The following TCOF1 variants were observed in gnomAD, a reference collection of about 807,000 sequenced individuals.
TCOF1 encodes the protein treacle ribosome biogenesis factor 1.
Under a neutral mutation model 149.0 loss-of-function variants are expected in TCOF1, and 33 were observed. The observed-to-expected ratio is 0.22, with a 90% CI of 0.17 to 0.30. The LOEUF is 0.30. TCOF1 is among the 10% of genes least tolerant of loss of function. The pLI is 1.00. For synonymous variants in TCOF1, 789 were observed against 738.8 expected, an observed-to-expected ratio of 1.07 and a Z score of -1.10; for missense variants, 1,728 against 1,840.7, an observed-to-expected ratio of 0.94 and a Z score of 1.12.
chr5:150,377,788 G>A (rs1764161839), intron 14 of TCOF1, among the ~76,000 whole-genome samples: 3 of 152,122 alleles, frequency 2.0e-5, no homozygotes, highest in South Asian at 4.2e-4. Flanking sequence ...CTTCCCTTCT[G>A]AGCCTCCCAC....
chr5:150,381,315 T>C (rs1765119193), intron 17 of TCOF1, among the ~76,000 whole-genome samples: 1 of 152,140 alleles, frequency 6.6e-6, no homozygotes, highest in Non-Finnish European at 1.5e-5. Flanking sequence ...AACCAACAAT[T>C]ACTGGGGGTG....
intron 7 of TCOF1, among the ~76,000 whole-genome samples, chr5:150,372,690 G>A (rs1762811778): frequency 6.6e-6 from 1 of 151,184 alleles, no homozygotes; most frequent in Non-Finnish European, 1.5e-5. Flanking sequence ...GCAGGAAGGA[G>A]GAAGAGTGAG....
chr5:150,360,338 G>T (rs1759761192), intron 1 of TCOF1, among the ~76,000 whole-genome samples: 1 of 152,194 alleles, frequency 6.6e-6, no homozygotes, highest in Admixed American at 6.5e-5. Context: ...CAAAGGCCTG[G>T]ATTCCACCTG....
intron 17 of TCOF1, 102 bp from the exon 18 acceptor site, chr5:150,387,800 C>T (rs1256560996): frequency 1.3e-6 from 2 of 1,528,088 alleles, no homozygotes; most frequent in East Asian, 2.3e-5. Context: ...CCCCTGAGCT[C>T]AGTGGACCCT....
intron 7 of TCOF1, among the ~76,000 whole-genome samples, chr5:150,373,773 AG>A (rs1763069217): frequency 6.6e-6 from 1 of 152,138 alleles, no homozygotes; most frequent in African/African-American, 2.4e-5. Flanking sequence ...CCCACAGCCC[AG>A]TCTGATGATG....
intron 4 of TCOF1, 147 bp from the exon 5 acceptor site, chr5:150,368,569 C>T: frequency 1.1e-6 from 1 of 885,814 alleles, no homozygotes; most frequent in Non-Finnish European, 1.8e-6. Flanking sequence ...TTTAACCTCA[C>T]TTTAAAGATT....
rs112039991 is a variant in TCOF1 at position 150,374,653 on chromosome 5, G to T, written c.1120G>T (p.Ala374Ser). Residue 374 changes from alanine to serine, a missense_variant, in exon 9 of 27, where the codon GCC becomes TCC. Ala to Ser is a moderately conservative substitution (Grantham distance 99). Coordinates refer to ENST00000643257, the MANE Select transcript of TCOF1 (RefSeq NM_001371623.1). ...AGGAAAAACCTCTCAGGTCGGAGCTGCCTCAGCCCCTGCCAAGGAGTCCCC... is the reference window on the plus strand; with the variant it reads ...AGGAAAAACCTCTCAGGTCGGAGCTTCCTCAGCCCCTGCCAAGGAGTCCCC... ...ASGKTSQVGA[A>S]SAPAKESPRK... 5.2e-4 allele frequency: 840 copies of T among 1,613,768 alleles called. 8 individuals carry two copies. The highest frequency in any genetic ancestry group is 5.0e-3 in the South Asian group (457 of 91,066).
intron 17 of TCOF1, 67 bp from the exon 18 acceptor site, chr5:150,387,835 C>T: frequency 6.2e-7 from 1 of 1,607,212 alleles, no homozygotes; most frequent in Non-Finnish European, 8.5e-7. Flanking sequence ...ACTCCCTAAC[C>T]CCATCACCTC....
intron 15 of TCOF1, 43 bp downstream of exon 15, chr5:150,379,085 TAGAGA>T (rs1256113870): frequency 1.2e-6 from 2 of 1,612,932 alleles, no homozygotes; most frequent in Non-Finnish European, 1.7e-6. Flanking sequence ...AGGGTTGGGG[TAGAGA>T]GGAGGACCAG....
chr5:150,383,619 T>C lies in TCOF1; in HGVS notation c.2859+3887T>C, dbSNP rs1030068981. 10 of 1,071,556 alleles carry C rather than the reference T, an allele frequency of 9.3e-6. No homozygotes were observed. In the African/African-American group the frequency reaches 1.3e-4, roughly 14 times the overall value. The allele number at this position is 1,071,556 out of a possible 1,614,324, so 66.4% of individuals were successfully genotyped here. A position where few individuals can be genotyped will look rare whatever the true frequency, so the allele number is the denominator to read the frequency against. ...AGGGAGTGTTGCCCCATTTGACAGA[T>C]TGGGAATCAAGCCTTAGAGTTGAAG... On this transcript the variant is annotated intron_variant, in intron 17 of 26. Coordinates refer to ENST00000643257, the MANE Select transcript of TCOF1 (RefSeq NM_001371623.1).
chr5:150,378,783 A>G, intron 14 of TCOF1, 122 bp from the exon 15 acceptor site: 1 of 1,402,820 alleles, frequency 7.1e-7, no homozygotes, highest in Admixed American at 1.7e-5. Flanking sequence ...TCAGGTTCAC[A>G]CGCCTATTGC....
Position 150,392,717 on chromosome 5 carries a change from C to A in TCOF1, c.3530C>A (p.Pro1177His), listed in dbSNP as rs1136103. Residue 1177 changes from proline to histidine, a missense_variant, in exon 22 of 27, where the codon CCC becomes CAC. Pro to His is a moderately conservative substitution (Grantham distance 77). Coordinates refer to ENST00000643257, the MANE Select transcript of TCOF1 (RefSeq NM_001371623.1). The stretch of plus-strand genomic sequence containing the variant: ...TGTGCTTCTCCAGTAGGTCCCACCC[C>A]CTCCAGGACAGAGACCCTGGTGGAG... ...KSAHTLVGPT[P>H]SRTETLVEET... 16 of 1,613,788 alleles carry A rather than the reference C, an allele frequency of 9.9e-6. No homozygotes were observed. The East Asian group carries it at 1.3e-4, about 13-fold the overall frequency.
intron 9 of TCOF1, 43 bp from the exon 10 acceptor site, chr5:150,374,911 G>A (rs372003625): frequency 1.9e-5 from 30 of 1,613,570 alleles, no homozygotes; most frequent in East Asian, 1.1e-4. Context: ...GTCTCCACAC[G>A]TCCACCCTCT....
rs1763252745 is a variant in TCOF1, at chr5:150,374,466, G to C, written c.1083+80G>C. The C allele has an allele frequency of 1.9e-6, 3 of 1,549,352 alleles. No homozygotes were observed. In the Admixed American group the frequency reaches 5.8e-5, roughly 30 times the overall value. On this transcript the variant is annotated intron_variant, in intron 8 of 26. Transcript: ENST00000643257. ...CTCAGGACTTGTTCTCCCACTCTGG[G>C]CCAGAGCCCCGGGCGTGCCTCAGAC... is the stretch of plus-strand genomic sequence containing the variant.
At chr5:150,379,437 C>T (rs1562382575) in intron 16 of TCOF1, 29 bp downstream of exon 16, 1 of 1,613,972 alleles carries the variant, frequency 6.2e-7, no homozygotes, top group Non-Finnish European at 8.5e-7. Flanking sequence ...AGATCATCCC[C>T]TACATGGGAT....
intron 17 of TCOF1, chr5:150,383,810 G>A: frequency 1.3e-6 from 2 of 1,551,686 alleles, no homozygotes; most frequent in Non-Finnish European, 1.7e-6. Context: ...ATACCTTCAT[G>A]TGCTCCACTG....
chr5:150,379,093 A>G, intron 15 of TCOF1, 51 bp downstream of exon 15: 1 of 1,613,804 alleles, frequency 6.2e-7, no homozygotes, highest in Non-Finnish European at 8.5e-7. Flanking sequence ...GGTAGAGAGG[A>G]GGACCAGTCA....
chr5:150,374,508 CCT>C, intron 8 of TCOF1, 107 bp from the exon 9 acceptor site: 2 of 1,572,010 alleles, frequency 1.3e-6, no homozygotes, highest in South Asian at 2.3e-5. Flanking sequence ...CCCTTACTCC[CCT>C]CTCACTGTGT....
In TCOF1 at chr5:150,363,313, C is replaced by T. The variant is rs970889054; in HGVS notation, c.165-800C>T. Among the ~76,000 whole-genome samples, 41 of 152,188 alleles carry T rather than the reference C, an allele frequency of 2.7e-4. 1 individual carries two copies. The highest frequency in any genetic ancestry group is 5.9e-5 in the Non-Finnish European group (4 of 68,040). On this transcript the variant is annotated intron_variant, in intron 2 of 26. Coordinates refer to ENST00000643257, the MANE Select transcript of TCOF1 (RefSeq NM_001371623.1). ...GTGGCTTTCCTGGGAACAAGGGACC[C>T]TACTATCACATCCCAAACCATGACA...
Sources: allele counts gnomAD v4.1 joint callset (sites outside exome capture counted in the v4.1 genomes callset), GRCh38; gene constraint gnomAD v4.1.1; transcripts MANE v1.5; gene names NCBI Gene and HGNC (gene_info 2026-07-23, HGNC 2026-07-21).